The following HOXA13 variants were observed in gnomAD, a reference collection of about 807,000 sequenced individuals.
HOXA13 encodes the protein homeobox A13, also known as homeobox protein Hox-A13.
A neutral mutation model predicts 25.7 loss-of-function variants in HOXA13; 5 were observed. The observed-to-expected ratio is 0.19, with a 90% CI of 0.10 to 0.41. HOXA13 has a LOEUF of 0.41. Among genes scored for constraint, HOXA13 ranks in the 10% least tolerant of loss-of-function variants. HOXA13 has a pLI of 1.00. For synonymous variants in HOXA13, 284 were observed against 241.1 expected (o/e 1.18, Z -1.65); for missense variants, 557 against 533.5 (o/e 1.04, Z -0.43).
Position 27,199,653 on chromosome 7 carries a change from G to C in HOXA13, c.425C>G (p.Ala142Gly). ...GGCGGCCTCTGCGCCCGCCGGGCCCGCCGGGCCGGGACCTCCCGAGGACGA... is the reference window on the plus strand; with the variant it reads ...GGCGGCCTCTGCGCCCGCCGGGCCCCCCGGGCCGGGACCTCCCGAGGACGA... ...AASSSGGPGPAGPAGAEAAKQ... is the reference protein window; with the variant it reads ...AASSSGGPGPGGPAGAEAAKQ... The change falls in exon 1 of 2, where the codon GCG (alanine) becomes GGG (glycine). Residue 142 changes from alanine to glycine, a missense_variant. Ala to Gly is a moderately conservative substitution (Grantham distance 60). Transcript: ENST00000649031. 7.9e-7 allele frequency: 1 copy of C among 1,270,866 alleles called. No individual in the cohort carries two copies. 78.7% of individuals were successfully genotyped at this position (1,270,866 alleles called of 1,614,324 possible). A position where few individuals can be genotyped will look rare whatever the true frequency, so the allele number is the denominator to read the frequency against.
rs1229958333 is a variant in HOXA13 at position 27,196,695 on chromosome 7, TATC to T, written c.*1500_*1502del. 6.5e-6 allele frequency: 1 copy of T among 154,256 alleles called. No individual in the cohort carries two copies. Among genetic ancestry groups the T allele is most frequent in the Non-Finnish European group, 1.4e-5 (1 of 69,152 alleles). 9.6% of individuals were successfully genotyped at this position (154,256 alleles called of 1,614,324 possible). On this transcript the variant is annotated 3_prime_UTR_variant, in exon 2 of 2. Transcript: ENST00000649031. ...GACACTTTAATCTCCTTGAAGCACT[TATC>T]ATTTTTTAGGATTTTAGTTATGAGG... is the stretch of plus-strand genomic sequence containing the variant.
rs1583448739 is a variant in HOXA13, at chr7:27,199,603, C to T, written c.475G>A (p.Ala159Thr). Residue 159 changes from alanine (A) to threonine (T), a missense_variant, in exon 1 of 2, where the codon GCG becomes ACG. By Grantham distance (58) the Ala-to-Thr change is moderately conservative. Transcript: ENST00000649031. The stretch of plus-strand genomic sequence containing the variant: ...GCGGGCCCCGACGAGCTCTGCGCCG[C>T]TGCCGAGCAGGGGCTGCATTGCTTG... ...AAKQCSPCSA[A>T]AQSSSGPAAL... 8.1e-6 allele frequency: 12 copies of T among 1,488,448 alleles called. No individual in the cohort carries two copies. The highest frequency in any genetic ancestry group is 1.1e-5 in the Non-Finnish European group (12 of 1,125,444). The allele number at this position is 1,488,448 out of a possible 1,614,324, so 92.2% of individuals were successfully genotyped here.
Position 27,197,182 on chromosome 7 carries a change from T to G in HOXA13, c.*1016A>C. 1 of 206,300 alleles carries G rather than the reference T, an allele frequency of 4.8e-6. No homozygotes were observed. The highest frequency in any genetic ancestry group is 7.5e-5 in the East Asian group (1 of 13,414). 12.8% of individuals were successfully genotyped at this position (206,300 alleles called of 1,614,324 possible). A position where few individuals can be genotyped will look rare whatever the true frequency, so the allele number is the denominator to read the frequency against. On this transcript the variant is annotated 3_prime_UTR_variant, in exon 2 of 2. Transcript: ENST00000649031. ...ACTAATCCCTTAATAGATCAAAATA[T>G]AGAATATAGACACCTAAATATTTCA...
At position 27,198,041 on chromosome 7, in the gene HOXA13, G is replaced by T; in HGVS notation, c.*157C>A. On this transcript the variant is annotated 3_prime_UTR_variant, in exon 2 of 2. Transcript: ENST00000649031. ...TAAAACAGTTGTAGATTCCATTAAA[G>T]AGAAAGAGATCTCCTTCGGGAGAGG... 1.2e-6 allele frequency: 1 copy of T among 854,276 alleles called. No homozygotes were observed. The highest frequency in any genetic ancestry group is 1.9e-6 in the Non-Finnish European group (1 of 536,400). The allele number at this position is 854,276 out of a possible 1,614,324, so 52.9% of individuals were successfully genotyped here. A position where few individuals can be genotyped will look rare whatever the true frequency, so the allele number is the denominator to read the frequency against.
rs1562519926 is a variant in HOXA13, at chr7:27,196,458, T to G, written c.*1740A>C. 6.6e-6 allele frequency: 1 copy of G among 152,228 alleles called. No individual in the cohort carries two copies. The highest frequency in any genetic ancestry group is 1.5e-5 in the Non-Finnish European group (1 of 68,050). The allele number at this position is 152,228 out of a possible 1,614,324, so 9.4% of individuals were successfully genotyped here. On this transcript the variant is annotated 3_prime_UTR_variant, in exon 2 of 2. Coordinates refer to ENST00000649031, the MANE Select transcript of HOXA13 (RefSeq NM_000522.5). ...AGGTCACAAATTGTCTTTTTTTTCG[T>G]CAAGGTCAAGGTTTAAGGCCTTTCG... is the stretch of plus-strand genomic sequence containing the variant.
Position 27,199,710 on chromosome 7 carries a change from G to T in HOXA13, c.368C>A (p.Ala123Asp). ...PPSAAAAAAA[A>D]AAAAAAAAAA... The stretch of plus-strand genomic sequence containing the variant: ...GGCGGCGGCGGCGGCTGCAGCGGCA[G>T]CCGCGGCAGCAGCGGCGGCAGCCGA... The change falls in exon 1 of 2, where the codon GCT becomes GAT. Residue 123 changes from alanine (A) to aspartate (D), a missense_variant. Transcript: ENST00000649031. The T allele has an allele frequency of 1.9e-6, 2 of 1,026,614 alleles. No homozygotes were observed. Among genetic ancestry groups the T allele is most frequent in the Admixed American group, 5.8e-5 (1 of 17,382 alleles). The allele number at this position is 1,026,614 out of a possible 1,614,324, so 63.6% of individuals were successfully genotyped here. A position where few individuals can be genotyped will look rare whatever the true frequency, so the allele number is the denominator to read the frequency against.
In HOXA13 at chr7:27,197,782, TAAG is replaced by T. The variant is rs751375036; in HGVS notation, c.*413_*415del. On this transcript the variant is annotated 3_prime_UTR_variant, in exon 2 of 2. Coordinates refer to ENST00000649031, the MANE Select transcript of HOXA13 (RefSeq NM_000522.5). ...TTAACATGCAAAGGGAATGGCGACCTAAGAAGGACAAGCAGATGTTTACAATGG... is the reference window on the plus strand; with the variant it reads ...TTAACATGCAAAGGGAATGGCGACCTAAGGACAAGCAGATGTTTACAATGG... 13 of 303,284 alleles carry T rather than the reference TAAG, an allele frequency of 4.3e-5. No individual in the cohort carries two copies. Among genetic ancestry groups the T allele is most frequent in the Non-Finnish European group, 5.0e-5 (8 of 161,198 alleles). 18.8% of individuals were successfully genotyped at this position (303,284 alleles called of 1,614,324 possible).
intron 1 of HOXA13, 151 bp from the exon 2 acceptor site, chr7:27,198,593 C>G (rs1031180352): frequency 3.4e-6 from 3 of 885,520 alleles, no homozygotes; most frequent in Non-Finnish European, 5.3e-6. Flanking sequence ...CCTAGAGGGT[C>G]AGTGGGGAAG....
Position 27,198,045 on chromosome 7 carries a change from A to C in HOXA13, c.*153T>G. ...ACAGTTGTAGATTCCATTAAAGAGA[A>C]AGAGATCTCCTTCGGGAGAGGAAAA... On this transcript the variant is annotated 3_prime_UTR_variant, in exon 2 of 2. Transcript: ENST00000649031. The C allele has an allele frequency of 3.5e-6, 3 of 860,630 alleles. No individual in the cohort carries two copies. Among genetic ancestry groups the C allele is most frequent in the East Asian group, 2.4e-5 (1 of 41,442 alleles). 53.3% of individuals were successfully genotyped at this position (860,630 alleles called of 1,614,324 possible).
rs2115471224 is a variant in HOXA13 at position 27,198,297 on chromosome 7, T to A, written c.1068A>T (p.Ser356=). 1 of 1,614,256 alleles carries A rather than the reference T, an allele frequency of 6.2e-7. No homozygotes were observed. Among genetic ancestry groups the A allele is most frequent in the Non-Finnish European group, 8.5e-7 (1 of 1,180,036 alleles). Residue 356 remains serine (S), a synonymous_variant, in exon 2 of 2, where the codon TCA becomes TCT. Coordinates refer to ENST00000649031, the MANE Select transcript of HOXA13 (RefSeq NM_000522.5). Reference sequence around the variant, plus strand: ...GCCGCTCAGAGAGATTCGTCGTGGCTGATATCCGCCTCCGTTTGTCCTTAG... The same window carrying A: ...GCCGCTCAGAGAGATTCGTCGTGGCAGATATCCGCCTCCGTTTGTCCTTAG... ...FITKDKRRRI[S]ATTNLSERQV...
rs969744126 is a variant in HOXA13 at position 27,197,660 on chromosome 7, A to G, written c.*538T>C. On this transcript the variant is annotated 3_prime_UTR_variant, in exon 2 of 2. Transcript: ENST00000649031. ...GCAAATATTCCAAGATCATTATTTC[A>G]GTACCTTCTCGTTTCCCCTCTAAAT... The G allele has an allele frequency of 3.4e-5, 8 of 234,928 alleles. No homozygotes were observed. In the South Asian group the frequency reaches 7.4e-4, roughly 22 times the overall value. 14.6% of individuals were successfully genotyped at this position (234,928 alleles called of 1,614,324 possible). A position where few individuals can be genotyped will look rare whatever the true frequency, so the allele number is the denominator to read the frequency against.
rs897014156 is a variant in HOXA13 at position 27,197,980 on chromosome 7, C to T, written c.*218G>A. The T allele has an allele frequency of 7.0e-5, 42 of 599,126 alleles. No homozygotes were observed. The Admixed American group carries it at 1.1e-3, about 16-fold the overall frequency. 37.1% of individuals were successfully genotyped at this position (599,126 alleles called of 1,614,324 possible). A position where few individuals can be genotyped will look rare whatever the true frequency, so the allele number is the denominator to read the frequency against. On this transcript the variant is annotated 3_prime_UTR_variant, in exon 2 of 2. Transcript: ENST00000649031. ...TAACGGGCTGGGCTGATGGGGTTGGCGGAAGAACTGGCAGTCTTTACCTTT... is the reference window on the plus strand; with the variant it reads ...TAACGGGCTGGGCTGATGGGGTTGGTGGAAGAACTGGCAGTCTTTACCTTT...
At chr7:27,198,476 G>A (rs1784033162) in intron 1 of HOXA13, 34 bp from the exon 2 acceptor site, 1 of 1,611,706 alleles carries the variant, frequency 6.2e-7, no homozygotes, top group Non-Finnish European at 8.5e-7. Context: ...GTTACACAGG[G>A]ATCGGACCCC....
rs1784031035 is a variant in HOXA13 at position 27,198,366 on chromosome 7, T to C, written c.999A>G (p.Gln333=). 1 of 1,614,126 alleles carries C rather than the reference T, an allele frequency of 6.2e-7. No homozygotes were observed. Among genetic ancestry groups the C allele is most frequent in the South Asian group, 1.1e-5 (1 of 91,094 alleles). The change falls in exon 2 of 2, where the codon CAA becomes CAG. Residue 333 remains glutamine, a synonymous_variant. Coordinates refer to ENST00000649031, the MANE Select transcript of HOXA13 (RefSeq NM_000522.5). Reference sequence around the variant, plus strand: ...CGTATTCCCGTTCAAGTTCTTTTAATTGCACCTTGGTATAAGGCACGCGCT... The same window carrying C: ...CGTATTCCCGTTCAAGTTCTTTTAACTGCACCTTGGTATAAGGCACGCGCT... ...RKKRVPYTKV[Q]LKELEREYAT...
rs909529900 is a variant in HOXA13 at position 27,197,082 on chromosome 7, G to T, written c.*1116C>A. Reference sequence around the variant, plus strand: ...AATGTGCTGGTTGAAATAACTGCTTGATTAAAAATGTGCTGTGAAGATGAA... The same window carrying T: ...AATGTGCTGGTTGAAATAACTGCTTTATTAAAAATGTGCTGTGAAGATGAA... On this transcript the variant is annotated 3_prime_UTR_variant, in exon 2 of 2. Transcript: ENST00000649031. The T allele has an allele frequency of 4.9e-6, 1 of 205,928 alleles. No homozygotes were observed. Among genetic ancestry groups the T allele is most frequent in the Non-Finnish European group, 9.9e-6 (1 of 100,668 alleles). The allele number at this position is 205,928 out of a possible 1,614,324, so 12.8% of individuals were successfully genotyped here.
rs573585807 is a variant in HOXA13 at position 27,196,226 on chromosome 7, T to C, written c.*1972A>G. 1 of 152,360 alleles carries C rather than the reference T, an allele frequency of 6.6e-6. No individual in the cohort carries two copies. The highest frequency in any genetic ancestry group is 1.9e-4 in the East Asian group (1 of 5,192). 9.4% of individuals were successfully genotyped at this position (152,360 alleles called of 1,614,324 possible). ...CATGTGTACACATATTATATATATT[T>C]ACATATATACAGGGACATGTATAAT... On this transcript the variant is annotated 3_prime_UTR_variant, in exon 2 of 2. Transcript: ENST00000649031.
In HOXA13 at chr7:27,199,750, CG is replaced by C. The variant is rs1265774962; in HGVS notation, c.327del (p.Glu111ArgfsTer224). On this transcript the variant is annotated frameshift_variant, in exon 1 of 2. Transcript: ENST00000649031. LOFTEE classifies it high-confidence loss of function. ...PGAASAYSSA[P>X]GEAPPSAAAA... is the part of the protein sequence containing the mutation. ...GCGGCAGCCGACGGGGGCGCCTCCC[CG>C]GGGGCGCTGCTGTAGGCGGACGCGG... is the stretch of plus-strand genomic sequence containing the variant. 2.0e-6 allele frequency: 2 copies of C among 998,032 alleles called. No homozygotes were observed. The highest frequency in any genetic ancestry group is 1.1e-4 in the East Asian group (1 of 8,948). The allele number at this position is 998,032 out of a possible 1,614,324, so 61.8% of individuals were successfully genotyped here.
In HOXA13 at chr7:27,199,625, C is replaced by T. The variant is rs1201917775; in HGVS notation, c.453G>A (p.Lys151=). ...PAGPAGAEAA[K]QCSPCSAAAQ... ...CCGCTGCCGAGCAGGGGCTGCATTG[C>T]TTGGCGGCCTCTGCGCCCGCCGGGC... Residue 151 remains lysine (K), a synonymous_variant, in exon 1 of 2, where the codon AAG becomes AAA. Transcript: ENST00000649031. 1.5e-6 allele frequency: 2 copies of T among 1,359,670 alleles called. No homozygotes were observed. The highest frequency in any genetic ancestry group is 1.9e-6 in the Non-Finnish European group (2 of 1,064,404). 84.2% of individuals were successfully genotyped at this position (1,359,670 alleles called of 1,614,324 possible).
intron 1 of HOXA13, 52 bp from the exon 2 acceptor site, chr7:27,198,494 G>T (rs1489614843): frequency 1.9e-6 from 3 of 1,608,880 alleles, no homozygotes; most frequent in South Asian, 1.1e-5. Context: ...CCCAGCCAGG[G>T]CATAGGCGAC....
Sources: allele counts gnomAD v4.1 joint callset, GRCh38; gene constraint gnomAD v4.1.1; transcripts MANE v1.5; gene names NCBI Gene and HGNC (gene_info 2026-07-23, HGNC 2026-07-21).